Variants in SLC16A3 observed in about 807,000 individuals in gnomAD.
SLC16A3 encodes monocarboxylate transporter 4.
Under a neutral mutation model 25.0 loss-of-function variants are expected in SLC16A3, and 22 were observed. The ratio of observed to expected loss-of-function variants is 0.88; its 90% CI spans 0.63 to 1.26. SLC16A3 has a LOEUF of 1.26. Among genes scored for constraint, SLC16A3 ranks in the 50% most tolerant of loss-of-function variants. The pLI is 0.00. For missense variants in SLC16A3, 731 were observed against 666.6 expected, an observed-to-expected ratio of 1.10 and a Z score of -1.06; for synonymous variants, 390 against 309.2, an observed-to-expected ratio of 1.26 and a Z score of -2.74.
chr17:82,237,918 T>TCC, intron 4 of SLC16A3, 25 bp downstream of exon 4: 1 of 1,589,026 alleles, frequency 6.3e-7, no homozygotes, highest in Non-Finnish European at 8.5e-7. Context: ...CCCAGGCAGT[T>TCC]CCCCACACCT....
At chr17:82,232,703 G>C (rs2050517104) in intron 1 of SLC16A3, among the ~76,000 whole-genome samples, 1 of 152,194 alleles carries the variant, frequency 6.6e-6, no homozygotes, top group Admixed American at 6.5e-5. Flanking sequence ...GGAGCCCCTG[G>C]CTTGGGAGGG....
At chr17:82,238,258 A>C (rs551316398) in intron 4 of SLC16A3, among the ~76,000 whole-genome samples, 6 of 152,268 alleles carry the variant, frequency 3.9e-5, no homozygotes, top group African/African-American at 7.2e-5. Flanking sequence ...ACGTGAGGGA[A>C]ATTAAGTTCT....
At chr17:82,218,705 C>T (rs963265891) in intron 1 of SLC16A3, among the ~76,000 whole-genome samples, 5 of 152,178 alleles carry the variant, frequency 3.3e-5, no homozygotes, top group Admixed American at 3.3e-4. Context: ...AGAGCATAAA[C>T]CAGGCTGGTG....
rs1479917137 is a variant in SLC16A3, at chr17:82,232,698, C to T, written c.-26-3285C>T. Among the ~76,000 whole-genome samples the T allele has an allele frequency of 2.0e-5, 3 of 152,158 alleles. 1 individual carries two copies. Among genetic ancestry groups the T allele is most frequent in the African/African-American group, 7.2e-5 (3 of 41,454 alleles). On this transcript the variant is annotated intron_variant, in intron 1 of 4. Coordinates refer to ENST00000582743, the MANE Select transcript of SLC16A3 (RefSeq NM_004207.4). Reference sequence around the variant, plus strand: ...CCTCGAGGGAACTGCCTGCAGGAGCCCCTGGCTTGGGAGGGCGCATGGCTG... The same window carrying T: ...CCTCGAGGGAACTGCCTGCAGGAGCTCCTGGCTTGGGAGGGCGCATGGCTG...
intron 1 of SLC16A3, among the ~76,000 whole-genome samples, chr17:82,222,803 CA>C (rs34093076): frequency 0.44 from 45,806 of 104,312 alleles, 8,158 homozygotes; most frequent in East Asian, 0.86. Flanking sequence ...GACTCCGTCT[CA>C]AAAAAAAAAA....
rs1568542140 is a variant in SLC16A3, at chr17:82,238,473, C to G, written c.1124-229C>G. On this transcript the variant is annotated intron_variant, in intron 4 of 4. Transcript: ENST00000582743. ...GCCACCAACCGAAACCCAAACTCCA[C>G]AAAGCCATTGCTATTTTTAGCCTCT... is the stretch of plus-strand genomic sequence containing the variant. Among the ~76,000 whole-genome samples the G allele has an allele frequency of 2.6e-5, 4 of 152,338 alleles. No individual in the cohort carries two copies. In the South Asian group the frequency reaches 8.3e-4, roughly 32 times the overall value.
Position 82,237,212 on chromosome 17 carries a change from G to A in SLC16A3, c.442G>A (p.Ala148Thr). The A allele has an allele frequency of 6.5e-7, 1 of 1,543,082 alleles. No homozygotes were observed. The highest frequency in any genetic ancestry group is 8.7e-7 in the Non-Finnish European group (1 of 1,144,098). ...CTACTTCAGCAAGCGGCGCCCCATG[G>A]CCAACGGGCTGGCGGCAGCAGGTAG... Reference protein sequence around the residue: ...NRYFSKRRPMANGLAAAGSPV... With the variant: ...NRYFSKRRPMTNGLAAAGSPV... Residue 148 changes from alanine to threonine, a missense_variant, in exon 4 of 5, where the codon GCC becomes ACC. Coordinates refer to ENST00000582743, the MANE Select transcript of SLC16A3 (RefSeq NM_004207.4).
chr17:82,237,153 T>C lies in SLC16A3; in HGVS notation c.383T>C (p.Leu128Pro). The change falls in exon 4 of 5, where the codon CTC becomes CCC. Residue 128 changes from leucine (L) to proline (P), a missense_variant. Physicochemically the swap from Leu to Pro is moderately conservative, Grantham distance 98. Transcript: ENST00000582743. ...TGVITGLGLA[L>P]NFQPSLIMLN... Reference sequence around the variant, plus strand: ...TTTCCTCCAGGGTTGGGTTTGGCACTCAACTTCCAGCCCTCGCTCATCATG... The same window carrying C: ...TTTCCTCCAGGGTTGGGTTTGGCACCCAACTTCCAGCCCTCGCTCATCATG... 4.0e-6 allele frequency: 6 copies of C among 1,509,126 alleles called. No individual in the cohort carries two copies. The highest frequency in any genetic ancestry group is 5.3e-6 in the Non-Finnish European group (6 of 1,127,318). The allele number at this position is 1,509,126 out of a possible 1,614,324, so 93.5% of individuals were successfully genotyped here.
chr17:82,227,591 CGGG>C (rs1442225508), upstream of SLC16A3, among the ~76,000 whole-genome samples: 19 of 132,924 alleles, frequency 1.4e-4, no homozygotes, highest in Non-Finnish European at 3.3e-4. Context: ...CTGCCCTGGG[CGGG>C]AGCACCACCT....
chr17:82,237,700 G>C lies in SLC16A3; in HGVS notation c.930G>C (p.Leu310=), dbSNP rs373285688. The C allele has an allele frequency of 5.0e-6, 8 of 1,612,638 alleles. No homozygotes were observed. In the African/African-American group the frequency reaches 1.1e-4, roughly 22 times the overall value. Residue 310 remains leucine (L), a synonymous_variant, in exon 4 of 5, where the codon CTG becomes CTC. Coordinates refer to ENST00000582743, the MANE Select transcript of SLC16A3 (RefSeq NM_004207.4). ...FSMFFNGLAD[L]AGSTAGDYGG... The stretch of plus-strand genomic sequence containing the variant: ...TGTTCTTCAACGGCCTCGCGGACCT[G>C]GCGGGTTCTACGGCGGGCGACTACG...
Position 82,236,278 on chromosome 17 carries a change from G to A in SLC16A3, c.223+47G>A, listed in dbSNP as rs140388447. On this transcript the variant is annotated intron_variant, in intron 2 of 4. Coordinates refer to ENST00000582743, the MANE Select transcript of SLC16A3 (RefSeq NM_004207.4). ...GCCCCCTGTCCGGGGCTCTGCTGGC[G>A]GATCCTGCTGGGCGCGTGTAGCTGG... The A allele has an allele frequency of 1.0e-2, 15,477 of 1,550,826 alleles. 119 individuals carry two copies. The highest frequency in any genetic ancestry group is 0.058 in the Middle Eastern group (347 of 5,962).
At position 82,236,789 on chromosome 17, in the gene SLC16A3, G is replaced by A. The variant is rs1314065002; in HGVS notation, c.284G>A (p.Gly95Asp). The change falls in exon 3 of 5, where the codon GGT (glycine) becomes GAT (aspartate). Residue 95 changes from glycine (G) to aspartate (D), a missense_variant. Physicochemically the swap from Gly to Asp is moderately conservative, Grantham distance 94. Coordinates refer to ENST00000582743, the MANE Select transcript of SLC16A3 (RefSeq NM_004207.4). The part of the protein sequence containing the change: ...FGCRPVMLVG[G>D]LFASLGMVAA... ...TGCCGGCCCGTCATGCTTGTGGGGG[G>A]TCTCTTTGCGTCGCTGGGCATGGTG... is the stretch of plus-strand genomic sequence containing the variant. 9.9e-6 allele frequency: 16 copies of A among 1,608,768 alleles called. No homozygotes were observed. Among genetic ancestry groups the A allele is most frequent in the Non-Finnish European group, 1.4e-5 (16 of 1,179,852 alleles).
Position 82,238,763 on chromosome 17 carries a change from G to A in SLC16A3, c.1185G>A (p.Val395=), listed in dbSNP as rs372627809. ...MYVFILAGAE[V]LTSSLILLLG... ...TGTTCATCCTGGCGGGGGCCGAGGT[G>A]CTCACCTCCTCCCTGATTTTGCTGC... The change falls in exon 5 of 5, where the codon GTG becomes GTA. Residue 395 remains valine (V), a synonymous_variant. Transcript: ENST00000582743. The A allele has an allele frequency of 1.5e-5, 24 of 1,612,586 alleles. No individual in the cohort carries two copies. Among genetic ancestry groups the A allele is most frequent in the Non-Finnish European group, 2.0e-5 (24 of 1,179,946 alleles).
chr17:82,223,127 G>A (rs765857325), intron 1 of SLC16A3, among the ~76,000 whole-genome samples: 1 of 152,168 alleles, frequency 6.6e-6, no homozygotes, highest in Non-Finnish European at 1.5e-5. Context: ...GTGCTGCTGA[G>A]CTGCCCTCTA....
intron 1 of SLC16A3, among the ~76,000 whole-genome samples, chr17:82,220,656 T>G (rs1484962374): frequency 1.3e-5 from 2 of 152,078 alleles, no homozygotes; most frequent in Admixed American, 6.5e-5. Context: ...TAAAGATCTC[T>G]TCCACAAAAG....
At position 82,239,003 on chromosome 17, in the gene SLC16A3, G is replaced by A; in HGVS notation, c.*27G>A. 1 of 1,502,328 alleles carries A rather than the reference G, an allele frequency of 6.7e-7. No homozygotes were observed. Among genetic ancestry groups the A allele is most frequent in the Non-Finnish European group, 8.9e-7 (1 of 1,123,704 alleles). 93.1% of individuals were successfully genotyped at this position (1,502,328 alleles called of 1,614,324 possible). A position where few individuals can be genotyped will look rare whatever the true frequency, so the allele number is the denominator to read the frequency against. On this transcript the variant is annotated 3_prime_UTR_variant, in exon 5 of 5. Transcript: ENST00000582743. ...TGGCTGGGCGGGGCCGGCAGGCACA[G>A]GGAGGAGGTACAGAAGCCGGCAACG...
chr17:82,224,250 A>G (rs2050407371), upstream of SLC16A3, among the ~76,000 whole-genome samples: 1 of 64,254 alleles, frequency 1.6e-5, no homozygotes, highest in Non-Finnish European at 2.8e-5. Flanking sequence ...ACACCTGTGC[A>G]GTCACCTGTG....
upstream of SLC16A3, chr17:82,229,018 G>A (rs2050450209): frequency 1.3e-5 from 2 of 148,622 alleles, no homozygotes; most frequent in Admixed American, 6.7e-5. Context: ...AGCACTTAAA[G>A]TCGCCCCCGG....
chr17:82,225,684 C>T (rs931236580), upstream of SLC16A3, among the ~76,000 whole-genome samples: 7 of 152,224 alleles, frequency 4.6e-5, no homozygotes, highest in African/African-American at 1.4e-4. Flanking sequence ...GTCCATGGGG[C>T]GGCAACTGGT....
Sources: gnomAD v4.1 joint callset for allele counts (sites outside exome capture counted in the v4.1 genomes callset) on GRCh38, gnomAD v4.1.1 for gene constraint, MANE v1.5 for transcripts, NCBI Gene and HGNC (gene_info 2026-07-23, HGNC 2026-07-21) for gene names.